The following CNTNAP3B variants were observed in gnomAD, a reference collection of about 807,000 sequenced individuals.
The protein encoded by CNTNAP3B is contactin-associated protein-like 3B.
A neutral mutation model predicts 108.9 loss-of-function variants in CNTNAP3B; 25 were observed. The ratio of observed to expected loss-of-function variants is 0.23; its 90% CI spans 0.17 to 0.32. CNTNAP3B has a LOEUF of 0.32. Among genes scored for constraint, CNTNAP3B ranks in the 10% least tolerant of loss-of-function variants. CNTNAP3B has a pLI of 1.00. For synonymous variants in CNTNAP3B, 103 were observed against 473.4 expected, an observed-to-expected ratio of 0.22 and a Z score of 10.16; for missense variants, 252 against 1,210.4, an observed-to-expected ratio of 0.21 and a Z score of 11.75.
At chr9:42,119,504 AAG>A (rs1564200496) in intron 1 of CNTNAP3B, among the ~76,000 whole-genome samples, 1 of 124,216 alleles carries the variant, frequency 8.1e-6, no homozygotes, top group Non-Finnish European at 1.7e-5. Context: ...GGAACCAAAA[AAG>A]AGCCCGCATT....
At chr9:41,935,840 G>T (rs1213645729) in intron 14 of CNTNAP3B, among the ~76,000 whole-genome samples, 4 of 152,404 alleles carry the variant, frequency 2.6e-5, no homozygotes, top group African/African-American at 9.6e-5. Flanking sequence ...TGAAAGCCCA[G>T]GGCTTCTGTC....
chr9:42,001,557 T>A (rs1587191386), intron 4 of CNTNAP3B, among the ~76,000 whole-genome samples: 1 of 137,188 alleles, frequency 7.3e-6, no homozygotes, highest in Non-Finnish European at 1.6e-5. Flanking sequence ...AAATCCTTTG[T>A]ATGAAATTCA....
chr9:41,935,409 C>T (rs1353450532), intron 14 of CNTNAP3B, among the ~76,000 whole-genome samples: 6 of 152,406 alleles, frequency 3.9e-5, no homozygotes, highest in Non-Finnish European at 8.8e-5. Context: ...TTATTATAAA[C>T]TTTCCACCAG....
chr9:42,119,985 TAAACTA>T lies in CNTNAP3B; in HGVS notation c.85+9019_85+9024del, dbSNP rs918349640. Among the ~76,000 whole-genome samples, 257 of 144,436 alleles carry T rather than the reference TAAACTA, an allele frequency of 1.8e-3. 1 individual carries two copies. Among genetic ancestry groups the T allele is most frequent in the African/African-American group, 6.6e-3 (248 of 37,582 alleles). 94.8% of individuals were successfully genotyped at this position (144,436 alleles called of 152,430 possible). ...CCAAAATTGACAAATGGGATCTAAT[TAAACTA>T]AAGAGCTTCTACAGAGCAAAAGAAA... is the stretch of plus-strand genomic sequence containing the variant. On this transcript the variant is annotated intron_variant, in intron 1 of 23. Transcript: ENST00000377561.
chr9:41,952,032 T>G (rs2118143332), intron 13 of CNTNAP3B, among the ~76,000 whole-genome samples: 1 of 152,372 alleles, frequency 6.6e-6, no homozygotes, highest in African/African-American at 2.4e-5. Flanking sequence ...TGAGCAAAGA[T>G]CGTGCCACTG....
intron 13 of CNTNAP3B, among the ~76,000 whole-genome samples, chr9:41,940,739 C>T (rs1162186037): frequency 6.6e-6 from 1 of 152,064 alleles, no homozygotes; most frequent in African/African-American, 2.4e-5. Context: ...GGCGTGAACC[C>T]GGGAGGCGGA....
intron 12 of CNTNAP3B, among the ~76,000 whole-genome samples, chr9:41,955,672 A>G (rs1393600975): frequency 2.0e-5 from 3 of 152,296 alleles, no homozygotes; most frequent in African/African-American, 7.2e-5. Flanking sequence ...CAGTGGCTAA[A>G]TGTGGAAAGG....
intron 13 of CNTNAP3B, among the ~76,000 whole-genome samples, chr9:41,942,435 C>T (rs1182234595): frequency 5.1e-4 from 77 of 151,944 alleles, no homozygotes; most frequent in African/African-American, 1.8e-3. Flanking sequence ...ATGGTGAAAC[C>T]CCGTATCTAC....
At chr9:41,972,652 C>A (rs1587164443) in intron 9 of CNTNAP3B, among the ~76,000 whole-genome samples, 1 of 136,010 alleles carries the variant, frequency 7.4e-6, no homozygotes, top group South Asian at 2.4e-4. Flanking sequence ...ACATTTAACA[C>A]CATATTTGTT....
chr9:42,056,519 T>G (rs1827075177), intron 3 of CNTNAP3B, among the ~76,000 whole-genome samples: 1 of 137,010 alleles, frequency 7.3e-6, no homozygotes, highest in Non-Finnish European at 1.6e-5. Context: ...CCTGGCTAAT[T>G]TTTTGTATTT....
At position 41,920,793 on chromosome 9, in the gene CNTNAP3B, C is replaced by T. The variant is rs1432054699; in HGVS notation, c.2756-484G>A. ...TGGATAAATTTCTTACTTGGATGGA[C>T]TCTAAAAATAAAGTGTGAAAGGAAA... is the stretch of plus-strand genomic sequence containing the variant. On this transcript the variant is annotated intron_variant, in intron 17 of 23. Transcript: ENST00000377561. 8.5e-5 allele frequency among the ~76,000 whole-genome samples: 13 copies of T among 152,396 alleles called. No homozygotes were observed. The East Asian group carries it at 9.6e-4, about 11-fold the overall frequency.
rs540986824 is a variant in CNTNAP3B at position 41,975,194 on chromosome 9, C to T, written c.1478-4949G>A. On this transcript the variant is annotated intron_variant, in intron 9 of 23. Transcript: ENST00000377561. ...CTAGCAAATCAGGCGGCAAGATCAT[C>T]GTGGGCGACGCCGCAGAGAAAGATG... is the stretch of plus-strand genomic sequence containing the variant. 3.4e-3 allele frequency: 648 copies of T among 188,888 alleles called. 130 individuals carry two copies. The highest frequency in any genetic ancestry group is 0.018 in the African/African-American group (617 of 34,940). The allele number at this position is 188,888 out of a possible 1,614,324, so 11.7% of individuals were successfully genotyped here.
At chr9:42,113,607 A>C (rs1353435305) in intron 1 of CNTNAP3B, among the ~76,000 whole-genome samples, 1 of 140,198 alleles carries the variant, frequency 7.1e-6, no homozygotes, top group East Asian at 2.2e-4. Flanking sequence ...AATAATTGTT[A>C]TTACAAATGT....
At chr9:42,116,943 T>G (rs1405574502) in intron 1 of CNTNAP3B, among the ~76,000 whole-genome samples, 1 of 138,912 alleles carries the variant, frequency 7.2e-6, no homozygotes, top group East Asian at 2.2e-4. Flanking sequence ...ATTACATAAT[T>G]GTAAAGGGAT....
chr9:41,918,736 G>A (rs2117927520), intron 18 of CNTNAP3B, among the ~76,000 whole-genome samples: 1 of 145,402 alleles, frequency 6.9e-6, no homozygotes, highest in Admixed American at 6.8e-5. Context: ...TGTGGATTGG[G>A]AATGATTTAG....
chr9:42,128,508 G>A (rs1178860214), intron 1 of CNTNAP3B, among the ~76,000 whole-genome samples: 2 of 137,780 alleles, frequency 1.5e-5, no homozygotes, highest in Admixed American at 1.4e-4. Flanking sequence ...ATTTAGTTTC[G>A]CCTACAGGCA....
chr9:42,122,010 T>A (rs1261005374), intron 1 of CNTNAP3B, among the ~76,000 whole-genome samples: 1 of 139,670 alleles, frequency 7.2e-6, no homozygotes, highest in African/African-American at 2.8e-5. Flanking sequence ...GGAATATGGA[T>A]GGGCACAGAT....
intron 13 of CNTNAP3B, among the ~76,000 whole-genome samples, chr9:41,943,537 A>G (rs1455168604): frequency 5.9e-5 from 9 of 151,770 alleles, no homozygotes; most frequent in Admixed American, 5.9e-4. Context: ...TATTTTTAGT[A>G]GAGACGTGGT....
At position 41,973,135 on chromosome 9, in the gene CNTNAP3B, G is replaced by C. The variant is rs148188809; in HGVS notation, c.1478-2890C>G. 2.9e-5 allele frequency among the ~76,000 whole-genome samples: 4 copies of C among 137,250 alleles called. 1 individual carries two copies. The highest frequency in any genetic ancestry group is 3.2e-5 in the Non-Finnish European group (2 of 63,172). 90.0% of individuals were successfully genotyped at this position (137,250 alleles called of 152,430 possible). A position where few individuals can be genotyped will look rare whatever the true frequency, so the allele number is the denominator to read the frequency against. ...TTTTTTTGTATTTTTTTTCAGTAGA[G>C]ACGGGGTTTCACCATATTAGCCAGG... On this transcript the variant is annotated intron_variant, in intron 9 of 23. Transcript: ENST00000377561.
Sources: gnomAD v4.1 joint callset for allele counts (sites outside exome capture counted in the v4.1 genomes callset) on GRCh38, gnomAD v4.1.1 for gene constraint, MANE v1.5 for transcripts, NCBI Gene and HGNC (gene_info 2026-07-23, HGNC 2026-07-21) for gene names.